SGK1: variants seen among roughly 807,000 people sequenced by gnomAD.
The protein encoded by SGK1 is serum/glucocorticoid regulated kinase 1.
SGK1 carries 26 observed loss-of-function variants against 64.2 expected under a neutral mutation model. The observed-to-expected ratio is 0.40, with a 90% CI of 0.30 to 0.56. The LOEUF is 0.56. Ranked by LOEUF, SGK1 falls within the 20% of genes least tolerant of loss-of-function variation. The pLI is 0.38. For missense variants in SGK1, 519 were observed against 645.6 expected (o/e 0.80, Z 2.12); for synonymous variants, 265 against 239.7 (o/e 1.11, Z -0.98).
chr6:134,193,458 C>T (rs1386063292), intron 3 of SGK1, among the ~76,000 whole-genome samples: 1 of 151,920 alleles, frequency 6.6e-6, no homozygotes, highest in Non-Finnish European at 1.5e-5. Flanking sequence ...CCGGTCTTGC[C>T]CAGGTGATCT....
At chr6:134,260,368 A>ACCCCCCCCCC (rs1427611267) in intron 2 of SGK1, 29 of 57,300 alleles carry the variant, frequency 5.1e-4, no homozygotes, top group Non-Finnish European at 8.9e-4. Context: ...CCTGTCCCCG[A>ACCCCCCCCCC]CCCCCACCCC....
chr6:134,252,675 C>T (rs1190519875), intron 2 of SGK1, among the ~76,000 whole-genome samples: 1 of 125,094 alleles, frequency 8.0e-6, no homozygotes, highest in Non-Finnish European at 1.6e-5. Flanking sequence ...TTTAAATCTA[C>T]ATAGAAATAA....
chr6:134,237,351 C>A (rs1417793387), intron 2 of SGK1, among the ~76,000 whole-genome samples: 1 of 151,924 alleles, frequency 6.6e-6, no homozygotes, highest in Admixed American at 6.6e-5. Flanking sequence ...GCCACTGTGC[C>A]TGGCCTGAAA....
At chr6:134,281,247 T>C (rs561070748) in intron 1 of SGK1, among the ~76,000 whole-genome samples, 10 of 152,276 alleles carry the variant, frequency 6.6e-5, no homozygotes, top group African/African-American at 2.4e-4. Flanking sequence ...AGTATTTTAG[T>C]ACTGTTAGAA....
chr6:134,294,391 T>G (rs1777309606), intron 1 of SGK1, among the ~76,000 whole-genome samples: 1 of 152,130 alleles, frequency 6.6e-6, no homozygotes. Context: ...AAATAGTAAT[T>G]CCTCATCCCC....
At chr6:134,184,322 C>T (rs928871490) in intron 3 of SGK1, among the ~76,000 whole-genome samples, 3 of 151,632 alleles carry the variant, frequency 2.0e-5, no homozygotes, top group African/African-American at 7.3e-5. Context: ...CATGGTGAAA[C>T]CCCGTCCCTA....
intron 8 of SGK1, 32 bp downstream of exon 8, chr6:134,172,991 A>G (rs1775080733): frequency 1.3e-6 from 2 of 1,595,636 alleles, no homozygotes; most frequent in East Asian, 4.5e-5. Context: ...GTGCAGAGAC[A>G]CTAAGAGTTG....
At chr6:134,202,059 T>TA (rs1775695661) in intron 3 of SGK1, among the ~76,000 whole-genome samples, 1 of 151,710 alleles carries the variant, frequency 6.6e-6, no homozygotes, top group Non-Finnish European at 1.5e-5. Flanking sequence ...GTCAAACTGA[T>TA]AAAAAATAAA....
At chr6:134,223,905 T>G (rs1160273122) in intron 2 of SGK1, among the ~76,000 whole-genome samples, 1 of 152,236 alleles carries the variant, frequency 6.6e-6, no homozygotes, top group African/African-American at 2.4e-5. Context: ...ATTTCTTATA[T>G]GCCTTGGCTT....
chr6:134,207,267 T>A, intron 3 of SGK1, 89 bp downstream of exon 3: 1 of 806,958 alleles, frequency 1.2e-6, no homozygotes, highest in Non-Finnish European at 2.0e-6. Context: ...AAAAAAATAT[T>A]TCCCCCCAAA....
intron 1 of SGK1, among the ~76,000 whole-genome samples, chr6:134,276,980 G>T (rs987103105): frequency 2.0e-5 from 3 of 152,128 alleles, no homozygotes; most frequent in Non-Finnish European, 4.4e-5. Context: ...AGCCCAGGAG[G>T]TTGAGGCTGC....
intron 1 of SGK1, among the ~76,000 whole-genome samples, chr6:134,309,270 A>G (rs765303026): frequency 2.0e-5 from 3 of 152,214 alleles, no homozygotes; most frequent in African/African-American, 7.2e-5. Context: ...TAAACAAACT[A>G]TAATAATAAT....
chr6:134,263,654 G>C (rs1321408179), intron 1 of SGK1, among the ~76,000 whole-genome samples: 1 of 152,116 alleles, frequency 6.6e-6, no homozygotes, highest in Non-Finnish European at 1.5e-5. Flanking sequence ...ATCCCTATAA[G>C]ATACAGAAAG....
chr6:134,208,896 G>GCATATA (rs1775838842), intron 2 of SGK1, among the ~76,000 whole-genome samples: 1 of 147,368 alleles, frequency 6.8e-6, no homozygotes, highest in Non-Finnish European at 1.5e-5. Context: ...GTATGTGTGT[G>GCATATA]TATATATATA....
intron 2 of SGK1, among the ~76,000 whole-genome samples, chr6:134,221,089 A>C (rs1376517141): frequency 6.6e-6 from 1 of 151,864 alleles, no homozygotes; most frequent in African/African-American, 2.4e-5. Context: ...AGATCATCTG[A>C]GGTCAAGAGT....
rs55870107 is a variant in SGK1, at chr6:134,220,058, C to CA, written c.286-12628dup. 7.6e-3 allele frequency among the ~76,000 whole-genome samples: 467 copies of CA among 61,340 alleles called. 67 individuals carry two copies. Among genetic ancestry groups the CA allele is most frequent in the African/African-American group, 0.042 (387 of 9,186 alleles). 40.2% of individuals were successfully genotyped at this position (61,340 alleles called of 152,430 possible). A position where few individuals can be genotyped will look rare whatever the true frequency, so the allele number is the denominator to read the frequency against. ...TGGGCGACAGAGCGAGACTCCGTCTCAAAAAAAAAAAAAAAAAAAAAAAAA... is the reference window on the plus strand; with the variant it reads ...TGGGCGACAGAGCGAGACTCCGTCTCAAAAAAAAAAAAAAAAAAAAAAAAAA... On this transcript the variant is annotated intron_variant, in intron 2 of 13. Transcript: ENST00000367858.
At chr6:134,186,839 C>T (rs377075732) in intron 3 of SGK1, among the ~76,000 whole-genome samples, 6 of 150,146 alleles carry the variant, frequency 4.0e-5, no homozygotes, top group African/African-American at 1.2e-4. Context: ...TTTTTTGAGA[C>T]GCAGTCTCAC....
intron 1 of SGK1, among the ~76,000 whole-genome samples, chr6:134,275,546 C>G (rs768990772): frequency 1.4e-4 from 22 of 152,156 alleles, no homozygotes; most frequent in Non-Finnish European, 2.5e-4. Context: ...AAAACCTATC[C>G]TTTTTACATG....
At chr6:134,230,964 A>T (rs775322866) in intron 2 of SGK1, among the ~76,000 whole-genome samples, 1 of 152,198 alleles carries the variant, frequency 6.6e-6, no homozygotes, top group Non-Finnish European at 1.5e-5. Flanking sequence ...TAGTGAGCCA[A>T]GATCACACCA....
Sources: gnomAD v4.1 joint callset for allele counts (sites outside exome capture counted in the v4.1 genomes callset) on GRCh38, gnomAD v4.1.1 for gene constraint, MANE v1.5 for transcripts, NCBI Gene and HGNC (gene_info 2026-07-23, HGNC 2026-07-21) for gene names.